The following TENM3 variants were observed in gnomAD, a reference collection of about 807,000 sequenced individuals.
TENM3 encodes teneurin transmembrane protein 3.
TENM3 carries 63 observed loss-of-function variants against 255.1 expected under a neutral mutation model. That is an observed-to-expected ratio of 0.25 (90% CI 0.20 to 0.30). TENM3 has a LOEUF of 0.30. TENM3 is among the 10% of genes least tolerant of loss of function. The pLI is 1.00. For missense variants in TENM3, 2,929 were observed against 3,461.1 expected, an observed-to-expected ratio of 0.85 and a Z score of 3.86; for synonymous variants, 1,306 against 1,322.3, an observed-to-expected ratio of 0.99 and a Z score of 0.27.
At chr4:181,557,857 A>C in the TENM3 span, among the ~76,000 whole-genome samples, 1 of 152,206 alleles carries the variant, frequency 6.6e-6, no homozygotes, top group African/African-American at 2.4e-5. Flanking sequence ...CATAAGTTAA[A>C]ATTTAGAAAA....
chr4:181,682,314 T>C, the TENM3 span, among the ~76,000 whole-genome samples: 3 of 152,162 alleles, frequency 2.0e-5, no homozygotes, highest in African/African-American at 7.2e-5. Flanking sequence ...TTCTGTTCAG[T>C]GACAGCAGGG....
chr4:182,089,712 G>A, the TENM3 span, among the ~76,000 whole-genome samples: 78 of 152,226 alleles, frequency 5.1e-4, no homozygotes, highest in African/African-American at 1.7e-3. Context: ...GCATTCCACT[G>A]TATTCAAAAT....
At chr4:182,542,532 A>G (rs1580879975) in intron 3 of TENM3, among the ~76,000 whole-genome samples, 1 of 152,080 alleles carries the variant, frequency 6.6e-6, no homozygotes, top group African/African-American at 2.4e-5. Context: ...GTCACTTTAT[A>G]TAGGGTAGTT....
the TENM3 span, among the ~76,000 whole-genome samples, chr4:182,099,040 C>A: frequency 1.4e-5 from 2 of 147,556 alleles, no homozygotes; most frequent in Non-Finnish European, 3.0e-5. Flanking sequence ...CGGCTCACTG[C>A]AACCTCTGCT....
chr4:182,667,446 C>T (rs899370217), intron 6 of TENM3, among the ~76,000 whole-genome samples: 25 of 152,166 alleles, frequency 1.6e-4, no homozygotes, highest in African/African-American at 5.8e-4. Context: ...GCCTCAGTCT[C>T]CCAAAGTGCT....
the TENM3 span, among the ~76,000 whole-genome samples, chr4:181,529,258 G>A: frequency 7.9e-5 from 12 of 152,126 alleles, no homozygotes; most frequent in Non-Finnish European, 1.8e-4. Context: ...GAGCAAAAAT[G>A]AATGAGAAAT....
At chr4:182,643,187 AT>A (rs1213295579) in intron 5 of TENM3, among the ~76,000 whole-genome samples, 5 of 152,024 alleles carry the variant, frequency 3.3e-5, no homozygotes, top group African/African-American at 7.2e-5. Flanking sequence ...TATTTTTCTT[AT>A]TTTTTTCTGT....
At chr4:182,193,990 A>G (rs997946952) in intron 1 of TENM3, among the ~76,000 whole-genome samples, 9 of 152,228 alleles carry the variant, frequency 5.9e-5, no homozygotes, top group African/African-American at 1.9e-4. Flanking sequence ...CCACAACTTC[A>G]TGGCCTACGT....
intron 24 of TENM3, among the ~76,000 whole-genome samples, chr4:182,785,212 G>A (rs541753783): frequency 1.3e-5 from 2 of 151,778 alleles, no homozygotes; most frequent in Admixed American, 1.3e-4. Flanking sequence ...AAGTAGCTGG[G>A]ACTACAGGCA....
the TENM3 span, among the ~76,000 whole-genome samples, chr4:181,457,907 T>A: frequency 1.3e-5 from 2 of 151,940 alleles, no homozygotes; most frequent in Non-Finnish European, 2.9e-5. Flanking sequence ...AATAGGAGTA[T>A]TTCTATAGTA....
chr4:182,021,843 ACCTTTC>A, the TENM3 span, among the ~76,000 whole-genome samples: 2 of 152,190 alleles, frequency 1.3e-5, no homozygotes, highest in African/African-American at 4.8e-5. Flanking sequence ...AGCATGTATC[ACCTTTC>A]TAATCAGAAA....
the TENM3 span, among the ~76,000 whole-genome samples, chr4:181,479,996 G>A: frequency 6.6e-6 from 1 of 152,014 alleles, no homozygotes; most frequent in South Asian, 2.1e-4. Flanking sequence ...ACAGTAACCA[G>A]TAATGTTAAT....
chr4:182,258,201 T>C (rs778720746), intron 1 of TENM3, among the ~76,000 whole-genome samples: 1 of 152,196 alleles, frequency 6.6e-6, no homozygotes, highest in African/African-American at 2.4e-5. Flanking sequence ...TATTCTAAAT[T>C]AAATCCTACT....
intron 3 of TENM3, among the ~76,000 whole-genome samples, chr4:182,450,127 T>C (rs1773326092): frequency 6.6e-6 from 1 of 152,226 alleles, no homozygotes; most frequent in Non-Finnish European, 1.5e-5. Context: ...TCCACTAAAG[T>C]GGAAATACTT....
At chr4:182,425,416 A>C (rs1771131252) in intron 3 of TENM3, among the ~76,000 whole-genome samples, 1 of 152,218 alleles carries the variant, frequency 6.6e-6, no homozygotes, top group South Asian at 2.1e-4. Flanking sequence ...ATCTTCAGAT[A>C]ATCTCCTGTA....
At position 182,714,194 on chromosome 4, in the gene TENM3, A is replaced by G. The variant is rs1758969203; in HGVS notation, c.2329A>G (p.Met777Val). Residue 777 changes from methionine (M) to valine (V), a missense_variant, in exon 13 of 28, where the codon ATG (methionine) becomes GTG (valine). Met to Val is a conservative substitution (Grantham distance 21). Coordinates refer to ENST00000511685, the MANE Select transcript of TENM3 (RefSeq NM_001080477.4). ...GAGAGGAGCAGGCTGTGACGTAGCC[A>G]TGGAGACTCTTTGCACAGATAGCAA... ...GWRGAGCDVA[M>V]ETLCTDSKDN... 6.2e-7 allele frequency: 1 copy of G among 1,613,856 alleles called. No homozygotes were observed. The highest frequency in any genetic ancestry group is 8.5e-7 in the Non-Finnish European group (1 of 1,179,844).
At chr4:181,840,767 G>A in the TENM3 span, among the ~76,000 whole-genome samples, 12,021 of 152,000 alleles carry the variant, frequency 0.079, 571 homozygotes, top group Middle Eastern at 0.15. Flanking sequence ...ATGAGCCATG[G>A]GCTTTGAACC....
intron 2 of TENM3, among the ~76,000 whole-genome samples, chr4:182,326,118 C>T (rs1273854339): frequency 6.6e-6 from 1 of 152,198 alleles, no homozygotes; most frequent in Non-Finnish European, 1.5e-5. Flanking sequence ...GCCAGGGAGG[C>T]CTTGTTGGAG....
At chr4:181,949,440 C>T in the TENM3 span, among the ~76,000 whole-genome samples, 1 of 152,170 alleles carries the variant, frequency 6.6e-6, no homozygotes, top group East Asian at 1.9e-4. Context: ...TCCTTGTCTT[C>T]TCTCTTTGTC....
Sources: allele counts gnomAD v4.1 joint callset (sites outside exome capture counted in the v4.1 genomes callset), GRCh38; gene constraint gnomAD v4.1.1; transcripts MANE v1.5; gene names NCBI Gene and HGNC (gene_info 2026-07-23, HGNC 2026-07-21).